AASDH: variants seen among roughly 807,000 people sequenced by gnomAD.
The protein encoded by AASDH is aminoadipate-semialdehyde dehydrogenase.
A neutral mutation model predicts 102.3 loss-of-function variants in AASDH; 81 were observed. The observed-to-expected ratio is 0.79, with a 90% CI of 0.66 to 0.95. The LOEUF is 0.95. Ranked by LOEUF, AASDH falls within the 40% of genes least tolerant of loss-of-function variation. The pLI is 0.00. For missense variants in AASDH, 1,203 were observed against 1,266.2 expected, an observed-to-expected ratio of 0.95 and a Z score of 0.76; for synonymous variants, 398 against 454.0, an observed-to-expected ratio of 0.88 and a Z score of 1.57.
rs138840808 is a variant in AASDH at position 56,382,589 on chromosome 4, T to C, written c.239A>G (p.Gln80Arg). 30 of 1,606,862 alleles carry C rather than the reference T, an allele frequency of 1.9e-5. No individual in the cohort carries two copies. Among genetic ancestry groups the C allele is most frequent in the Non-Finnish European group, 2.3e-5 (27 of 1,178,248 alleles). The change falls in exon 3 of 15, where the codon CAA becomes CGA. Residue 80 changes from glutamine to arginine, a missense_variant. By Grantham distance (43) the Gln-to-Arg change is conservative. Transcript: ENST00000205214. Reference protein sequence around the residue: ...DLPSWILGILQVPAAYVPIEP... With the variant: ...DLPSWILGILRVPAAYVPIEP... The stretch of plus-strand genomic sequence containing the variant: ...GATAGGTACATAAGCAGCCGGGACT[T>C]GGAGAATTCTAAAGAAAAAAGTACA...
At position 56,338,366 on chromosome 4, in the gene AASDH, T is replaced by G. The variant is rs756254431; in HGVS notation, c.*36A>C. The G allele has an allele frequency of 4.4e-6, 7 of 1,579,510 alleles. No homozygotes were observed. Among genetic ancestry groups the G allele is most frequent in the East Asian group, 2.2e-5 (1 of 44,744 alleles). On this transcript the variant is annotated 3_prime_UTR_variant, in exon 15 of 15. Transcript: ENST00000205214. ...TATAATGGTAAAATATTTTCAAATA[T>G]CTCACATTTGTTATACAAATAAGGA... is the stretch of plus-strand genomic sequence containing the variant.
chr4:56,349,646 C>T lies in AASDH; in HGVS notation c.2105G>A (p.Cys702Tyr). 3 of 1,614,170 alleles carry T rather than the reference C, an allele frequency of 1.9e-6. No homozygotes were observed. The highest frequency in any genetic ancestry group is 2.5e-6 in the Non-Finnish European group (3 of 1,180,038). The change falls in exon 11 of 15, where the codon TGC becomes TAC. Residue 702 changes from cysteine to tyrosine, a missense_variant. Coordinates refer to ENST00000205214, the MANE Select transcript of AASDH (RefSeq NM_181806.4). The stretch of plus-strand genomic sequence containing the variant: ...TGAGTCAGAAGGACAGGCTGAAGAG[C>T]AATGTCCTAACTTTGTTAAAAACCT... ...STRFLTKLGH[C>Y]SSACPSDSVS...
intron 5 of AASDH, among the ~76,000 whole-genome samples, chr4:56,360,627 T>C (rs1187515393): frequency 1.3e-5 from 2 of 152,232 alleles, no homozygotes; most frequent in Non-Finnish European, 1.5e-5. Context: ...TGTTTTTTTT[T>C]CCATTTTGTC....
intron 3 of AASDH, among the ~76,000 whole-genome samples, chr4:56,379,909 G>A (rs1224601168): frequency 6.6e-6 from 1 of 152,154 alleles, no homozygotes; most frequent in Non-Finnish European, 1.5e-5. Flanking sequence ...GATAGGAGAT[G>A]AGATGCAAAT....
At chr4:56,340,440 A>G (rs1320925293) in intron 14 of AASDH, among the ~76,000 whole-genome samples, 4 of 152,202 alleles carry the variant, frequency 2.6e-5, no homozygotes, top group African/African-American at 7.2e-5. Context: ...CCCCTCTTCA[A>G]TGAATGGTGC....
chr4:56,345,219 C>T lies in AASDH; in HGVS notation c.2560G>A (p.Asp854Asn). Residue 854 changes from aspartate to asparagine, a missense_variant, in exon 12 of 15, where the codon GAT becomes AAT. By Grantham distance (23) the Asp-to-Asn change is conservative. Transcript: ENST00000205214. ...ATGGTTGCCGAGCTTTTGACAGCATCTTCAGTAGTAAACATCCAGTATTTT... is the reference window on the plus strand; with the variant it reads ...ATGGTTGCCGAGCTTTTGACAGCATTTTCAGTAGTAAACATCCAGTATTTT... Reference protein sequence around the residue: ...GEKYWMFTTEDAVKSSATMDP... With the variant: ...GEKYWMFTTENAVKSSATMDP... 1 of 1,614,002 alleles carries T rather than the reference C, an allele frequency of 6.2e-7. No individual in the cohort carries two copies. Among genetic ancestry groups the T allele is most frequent in the Non-Finnish European group, 8.5e-7 (1 of 1,179,894 alleles).
At chr4:56,339,133 T>C (rs928768401) in intron 14 of AASDH, among the ~76,000 whole-genome samples, 2 of 151,756 alleles carry the variant, frequency 1.3e-5, no homozygotes, top group Non-Finnish European at 2.9e-5. Flanking sequence ...TTCAATATTA[T>C]CTTTTTTTAA....
At chr4:56,356,862 C>A in intron 5 of AASDH, 1 of 948,418 alleles carries the variant, frequency 1.1e-6, no homozygotes, top group Non-Finnish European at 1.7e-6. Flanking sequence ...TCCTGGCTCC[C>A]AAGTCTGTGG....
chr4:56,338,821 T>C, intron 14 of AASDH, 30 bp from the exon 15 acceptor site: 1 of 1,584,776 alleles, frequency 6.3e-7, no homozygotes, highest in Non-Finnish European at 8.6e-7. Context: ...TAAATATAAT[T>C]CATTCATCTA....
At chr4:56,385,115 TAATGTA>T (rs796734078) in intron 1 of AASDH, among the ~76,000 whole-genome samples, 57 of 152,224 alleles carry the variant, frequency 3.7e-4, no homozygotes, top group African/African-American at 1.3e-3. Flanking sequence ...ATAAAATGAC[TAATGTA>T]AATAAACTTT....
intron 14 of AASDH, among the ~76,000 whole-genome samples, chr4:56,342,074 T>C (rs1295305367): frequency 1.4e-5 from 2 of 138,760 alleles, no homozygotes; most frequent in South Asian, 2.2e-4. Flanking sequence ...ATCACACCAA[T>C]GTACTCCAGC....
intron 9 of AASDH, 148 bp from the exon 10 acceptor site, chr4:56,351,605 T>C: frequency 1.8e-6 from 1 of 563,570 alleles, no homozygotes; most frequent in Non-Finnish European, 3.1e-6. Context: ...TTCTAAAAAG[T>C]TGTCTGATAC....
In AASDH at chr4:56,349,651, T is replaced by C. The variant is rs1748751195; in HGVS notation, c.2100A>G (p.Gly700=). 1 of 1,614,082 alleles carries C rather than the reference T, an allele frequency of 6.2e-7. No homozygotes were observed. Among genetic ancestry groups the C allele is most frequent in the Non-Finnish European group, 8.5e-7 (1 of 1,180,056 alleles). ...LNSTRFLTKL[G]HCSSACPSDS... ...CAGAAGGACAGGCTGAAGAGCAATG[T>C]CCTAACTTTGTTAAAAACCTAGTGG... Residue 700 remains glycine (G), a synonymous_variant, in exon 11 of 15, where the codon GGA becomes GGG. Coordinates refer to ENST00000205214, the MANE Select transcript of AASDH (RefSeq NM_181806.4).
chr4:56,341,387 A>ATTTTTTTTTT (rs1560561026), intron 14 of AASDH, among the ~76,000 whole-genome samples: 17 of 82,776 alleles, frequency 2.1e-4, no homozygotes, highest in African/African-American at 3.8e-4. Flanking sequence ...GGAGACTTTT[A>ATTTTTTTTTT]TCTTTTTTTT....
chr4:56,386,790 A>G (rs1402258397), intron 1 of AASDH, among the ~76,000 whole-genome samples: 1 of 86,230 alleles, frequency 1.2e-5, no homozygotes, highest in African/African-American at 4.6e-5. Flanking sequence ...ACAGAGCGAG[A>G]CTCCGTCTCA....
chr4:56,368,321 G>A (rs1185698687), intron 5 of AASDH, among the ~76,000 whole-genome samples: 3 of 152,156 alleles, frequency 2.0e-5, no homozygotes, highest in Admixed American at 6.5e-5. Flanking sequence ...CGATTCCTCA[G>A]GGATCTAGAA....
intron 14 of AASDH, among the ~76,000 whole-genome samples, chr4:56,341,340 A>G (rs1274111681): frequency 1.3e-5 from 2 of 150,918 alleles, no homozygotes; most frequent in Non-Finnish European, 1.5e-5. Flanking sequence ...ATAAAAACCA[A>G]GGAAATCATG....
At chr4:56,370,994 T>G (rs56887793) in intron 5 of AASDH, among the ~76,000 whole-genome samples, 28,582 of 152,132 alleles carry the variant, frequency 0.19, 3,202 homozygotes, top group Admixed American at 0.31. Context: ...CACATTTAAA[T>G]AACATTTTAA....
intron 14 of AASDH, among the ~76,000 whole-genome samples, chr4:56,339,271 A>G (rs1022989621): frequency 2.6e-5 from 4 of 151,950 alleles, no homozygotes; most frequent in Non-Finnish European, 5.9e-5. Context: ...CTCCCGCCTC[A>G]GCCTCCCGAG....
Sources: gnomAD v4.1 joint callset for allele counts (sites outside exome capture counted in the v4.1 genomes callset) on GRCh38, gnomAD v4.1.1 for gene constraint, MANE v1.5 for transcripts, NCBI Gene and HGNC (gene_info 2026-07-23, HGNC 2026-07-21) for gene names.